The following KCNH7 variants were observed in gnomAD, a reference collection of about 807,000 sequenced individuals.
KCNH7 encodes voltage-gated inwardly rectifying potassium channel KCNH7.
In KCNH7, 49 loss-of-function variants were observed where a neutral mutation model predicts 120.8. The ratio of observed to expected loss-of-function variants is 0.41; its 90% CI spans 0.32 to 0.51. The LOEUF is 0.51. KCNH7 is among the 20% of genes least tolerant of loss of function. KCNH7 has a pLI of 0.38. For missense variants in KCNH7, 1,097 were observed against 1,446.6 expected, an observed-to-expected ratio of 0.76 and a Z score of 3.92; for synonymous variants, 547 against 516.1, an observed-to-expected ratio of 1.06 and a Z score of -0.81.
intron 4 of KCNH7, among the ~76,000 whole-genome samples, chr2:162,514,529 G>A (rs1460122545): frequency 6.6e-6 from 1 of 151,770 alleles, no homozygotes; most frequent in Non-Finnish European, 1.5e-5. Context: ...TCTTAGCTGA[G>A]ATCTGCTTGT....
intron 2 of KCNH7, among the ~76,000 whole-genome samples, chr2:162,756,405 C>T (rs1688791368): frequency 6.6e-6 from 1 of 152,134 alleles, no homozygotes; most frequent in Admixed American, 6.6e-5. Context: ...TGTGACACTT[C>T]TCCCAATTAT....
chr2:162,665,036 T>C (rs1685088166), intron 2 of KCNH7, among the ~76,000 whole-genome samples: 1 of 152,132 alleles, frequency 6.6e-6, no homozygotes, highest in African/African-American at 2.4e-5. Flanking sequence ...CTCAACTCAT[T>C]TTGTAATCAT....
In KCNH7 at chr2:162,803,097, T is replaced by C. The variant is rs375143591; in HGVS notation, c.307+33440A>G. On this transcript the variant is annotated intron_variant, in intron 2 of 15. Coordinates refer to ENST00000332142, the MANE Select transcript of KCNH7 (RefSeq NM_033272.4). ...TTTGAGAACAAAATGCTATCCTAGC[T>C]CTGCTAAAAATAATTGTTACAATTC... is the stretch of plus-strand genomic sequence containing the variant. Among the ~76,000 whole-genome samples, 6 of 151,890 alleles carry C rather than the reference T, an allele frequency of 4.0e-5. No homozygotes were observed. The South Asian group carries it at 8.3e-4, about 21-fold the overall frequency.
intron 2 of KCNH7, among the ~76,000 whole-genome samples, chr2:162,663,978 C>T (rs889083647): frequency 1.3e-5 from 2 of 152,094 alleles, no homozygotes; most frequent in Non-Finnish European, 2.9e-5. Flanking sequence ...ACCTCCTCTA[C>T]TCATTTCTAC....
intron 2 of KCNH7, among the ~76,000 whole-genome samples, chr2:162,563,330 G>A (rs567262461): frequency 6.6e-6 from 1 of 152,130 alleles, no homozygotes; most frequent in Admixed American, 6.5e-5. Flanking sequence ...AACTGATAAG[G>A]GTTTTAAGAT....
chr2:162,781,164 A>G (rs547697972), intron 2 of KCNH7, among the ~76,000 whole-genome samples: 10 of 152,118 alleles, frequency 6.6e-5, no homozygotes, highest in African/African-American at 9.7e-5. Context: ...ATAAATAATG[A>G]TATTGATAAT....
intron 2 of KCNH7, among the ~76,000 whole-genome samples, chr2:162,710,828 C>A (rs1464178901): frequency 6.6e-6 from 1 of 152,030 alleles, no homozygotes; most frequent in Non-Finnish European, 1.5e-5. Flanking sequence ...AAGCTGGGCA[C>A]CCTGACTTTT....
At chr2:162,795,386 T>C (rs1287581613) in intron 2 of KCNH7, 1 of 152,038 alleles carries the variant, frequency 6.6e-6, no homozygotes, top group African/African-American at 2.4e-5. Context: ...AATTTTTTTT[T>C]CCATTTCAGG....
At chr2:162,617,201 T>C (rs1465999817) in intron 2 of KCNH7, among the ~76,000 whole-genome samples, 2 of 152,054 alleles carry the variant, frequency 1.3e-5, no homozygotes, top group Non-Finnish European at 1.5e-5. Context: ...AAAAGCAGGC[T>C]GGGCGTGGTG....
chr2:162,803,246 C>T (rs1404765565), intron 2 of KCNH7, among the ~76,000 whole-genome samples: 5 of 151,526 alleles, frequency 3.3e-5, no homozygotes, highest in African/African-American at 1.2e-4. Context: ...GTTCAATTTC[C>T]ATAAGTGAGG....
At chr2:162,747,666 T>G (rs1002169934) in intron 2 of KCNH7, among the ~76,000 whole-genome samples, 7 of 152,136 alleles carry the variant, frequency 4.6e-5, no homozygotes, top group African/African-American at 1.7e-4. Flanking sequence ...TAAATTGAAT[T>G]TAAAGGCTTC....
intron 2 of KCNH7, among the ~76,000 whole-genome samples, chr2:162,830,543 T>A (rs1366302762): frequency 1.3e-5 from 2 of 152,164 alleles, no homozygotes; most frequent in African/African-American, 4.8e-5. Flanking sequence ...AACAAGTTCA[T>A]CTAGTTGTTA....
intron 2 of KCNH7, among the ~76,000 whole-genome samples, chr2:162,707,673 G>A (rs1446994128): frequency 6.6e-6 from 1 of 152,072 alleles, no homozygotes; most frequent in East Asian, 1.9e-4. Context: ...TATATAAATA[G>A]CTCTGATATA....
At chr2:162,528,025 A>G (rs1318935480) in intron 3 of KCNH7, 1 of 151,976 alleles carries the variant, frequency 6.6e-6, no homozygotes, top group Non-Finnish European at 1.5e-5. Context: ...AAGAACTTGC[A>G]CTTCAAACAC....
At chr2:162,375,057 G>C (rs1686112783) in intron 14 of KCNH7, among the ~76,000 whole-genome samples, 1 of 152,044 alleles carries the variant, frequency 6.6e-6, no homozygotes, top group African/African-American at 2.4e-5. Flanking sequence ...TCAAGTCCCA[G>C]CTTATATGTT....
intron 2 of KCNH7, among the ~76,000 whole-genome samples, chr2:162,557,309 A>G (rs976038772): frequency 1.6e-4 from 25 of 152,224 alleles, no homozygotes; most frequent in Non-Finnish European, 3.2e-4. Flanking sequence ...AGTTTCTAGA[A>G]GAAGCATCCA....
At chr2:162,758,927 A>G (rs1574350768) in intron 2 of KCNH7, among the ~76,000 whole-genome samples, 1 of 152,200 alleles carries the variant, frequency 6.6e-6, no homozygotes, top group East Asian at 1.9e-4. Flanking sequence ...AGGAAAAATC[A>G]GTTATTATTT....
In KCNH7 at chr2:162,518,050, C is replaced by T; in HGVS notation, c.572G>A (p.Ser191Asn). Reference protein sequence around the residue: ...DVVVIDSSKHSDDSVAMKHFK... With the variant: ...DVVVIDSSKHNDDSVAMKHFK... ...ATGCTTCATGGCTACTGAATCATCA[C>T]TGTGTTTAGATGAATCGATGACCAC... The change falls in exon 4 of 16, where the codon AGT becomes AAT. Residue 191 changes from serine to asparagine, a missense_variant. Ser to Asn is a conservative substitution (Grantham distance 46, BLOSUM62 1). Transcript: ENST00000332142. 1.9e-6 allele frequency: 3 copies of T among 1,612,406 alleles called. No homozygotes were observed. The highest frequency in any genetic ancestry group is 2.5e-6 in the Non-Finnish European group (3 of 1,178,850).
At chr2:162,621,601 T>C (rs550695017) in intron 2 of KCNH7, among the ~76,000 whole-genome samples, 12 of 152,162 alleles carry the variant, frequency 7.9e-5, no homozygotes, top group Non-Finnish European at 1.2e-4. Flanking sequence ...TATGTGCATA[T>C]ATATTTAAGT....
Sources: allele counts gnomAD v4.1 joint callset (sites outside exome capture counted in the v4.1 genomes callset), GRCh38; gene constraint gnomAD v4.1.1; transcripts MANE v1.5; gene names NCBI Gene and HGNC (gene_info 2026-07-23, HGNC 2026-07-21).